Variants in FMN1 observed in about 807,000 individuals in gnomAD.
The protein encoded by FMN1 is formin 1.
A neutral mutation model predicts 132.4 loss-of-function variants in FMN1; 110 were observed. That is an observed-to-expected ratio of 0.83 (90% CI 0.71 to 0.97). The LOEUF (loss-of-function observed/expected upper bound fraction) is 0.97, where lower values mean the gene tolerates loss of function less well. Ranked by LOEUF, FMN1 falls within the 50% of genes least tolerant of loss-of-function variation. The probability of loss-of-function intolerance (pLI) is 0.00; values close to 1 mark genes in which losing one functional copy is unlikely to be tolerated. For missense variants in FMN1, 1,792 were observed against 1,705.3 expected (o/e 1.05, Z -0.90); for synonymous variants, 722 against 651.7 (o/e 1.11, Z -1.64).
At chr15:32,989,158 C>A (rs1417035870) in intron 7 of FMN1, among the ~76,000 whole-genome samples, 1 of 151,964 alleles carries the variant, frequency 6.6e-6, no homozygotes, top group Non-Finnish European at 1.5e-5. Context: ...AAAGGAAGAC[C>A]AACCAGTGAT....
chr15:32,864,186 A>G (rs1162494374), intron 16 of FMN1, among the ~76,000 whole-genome samples: 1 of 152,214 alleles, frequency 6.6e-6, no homozygotes, highest in African/African-American at 2.4e-5. Flanking sequence ...AAAACAAATG[A>G]CAGAAGCCTG....
chr15:33,151,295 T>C (rs1337303235), intron 4 of FMN1: 1 of 1,536,226 alleles, frequency 6.5e-7, no homozygotes, highest in Non-Finnish European at 8.7e-7. Flanking sequence ...TCCAGCTTCT[T>C]CTTTTATAAG....
chr15:32,961,193 C>T (rs1012072271), intron 9 of FMN1, among the ~76,000 whole-genome samples: 3 of 149,890 alleles, frequency 2.0e-5, no homozygotes, highest in East Asian at 4.0e-4. Context: ...GGGTGCAATG[C>T]GGCAATCTCA....
In FMN1 at chr15:33,153,628, C is replaced by A. The variant is rs751821963; in HGVS notation, c.1287G>T (p.Lys429Asn). 18 of 1,536,138 alleles carry A rather than the reference C, an allele frequency of 1.2e-5. No individual in the cohort carries two copies. The highest frequency in any genetic ancestry group is 1.0e-5 in the Non-Finnish European group (12 of 1,146,930). The change falls in exon 4 of 21, where the codon AAG becomes AAT. Residue 429 changes from lysine (K) to asparagine (N), a missense_variant. By Grantham distance (94) the Lys-to-Asn change is moderately conservative (BLOSUM62 0). Coordinates refer to ENST00000616417, the MANE Select transcript of FMN1 (RefSeq NM_001277313.2). Reference protein sequence around the residue: ...KVPLKVIESEKLDEAPEGKRL... With the variant: ...KVPLKVIESENLDEAPEGKRL... ...TTTTCCCCTCAGGGGCTTCATCTAACTTCTCACTCTCTATCACCTTCAGGG... is the reference window on the plus strand; with the variant it reads ...TTTTCCCCTCAGGGGCTTCATCTAAATTCTCACTCTCTATCACCTTCAGGG...
chr15:33,129,692 G>A (rs1343277081), intron 4 of FMN1, among the ~76,000 whole-genome samples: 2 of 152,136 alleles, frequency 1.3e-5, no homozygotes, highest in African/African-American at 4.8e-5. Context: ...GCCAAGATAT[G>A]GACCCAGGGC....
chr15:33,068,165 C>G (rs1245828848), intron 5 of FMN1: 1 of 446,732 alleles, frequency 2.2e-6, no homozygotes, highest in Admixed American at 4.5e-5. Flanking sequence ...ACCAGGGAGG[C>G]TGCTCTTCTG....
chr15:32,811,036 C>T lies in FMN1; in HGVS notation c.3929-6704G>A, dbSNP rs186931049. 11 of 456,554 alleles carry T rather than the reference C, an allele frequency of 2.4e-5. No homozygotes were observed. In the East Asian group the frequency reaches 2.8e-4, roughly 12 times the overall value. 28.3% of individuals were successfully genotyped at this position (456,554 alleles called of 1,614,324 possible). On this transcript the variant is annotated intron_variant, in intron 17 of 20. Coordinates refer to ENST00000616417, the MANE Select transcript of FMN1 (RefSeq NM_001277313.2). ...CGTTTTCCATTTCTTAGAAAATCCCCGTTGTGCACTTTCCAGGAGAAACAA... is the reference window on the plus strand; with the variant it reads ...CGTTTTCCATTTCTTAGAAAATCCCTGTTGTGCACTTTCCAGGAGAAACAA...
chr15:32,820,954 C>G (rs1167448526), intron 17 of FMN1, among the ~76,000 whole-genome samples: 1 of 151,962 alleles, frequency 6.6e-6, no homozygotes, highest in African/African-American at 2.4e-5. Context: ...AAGGTCTCGT[C>G]TACTCCCAAG....
At chr15:33,075,145 T>G (rs2038157975) in intron 5 of FMN1, among the ~76,000 whole-genome samples, 1 of 149,090 alleles carries the variant, frequency 6.7e-6, no homozygotes, top group African/African-American at 2.5e-5. Flanking sequence ...TGCAGCTCCC[T>G]CACCTGGAAA....
intron 13 of FMN1, among the ~76,000 whole-genome samples, chr15:32,901,161 A>G (rs1207873285): frequency 1.5e-5 from 2 of 130,054 alleles, no homozygotes; most frequent in Non-Finnish European, 3.2e-5. Context: ...TCTCAAAAAA[A>G]AAGAAAGAAA....
intron 6 of FMN1, among the ~76,000 whole-genome samples, chr15:33,011,795 C>T (rs1171594039): frequency 6.6e-6 from 1 of 152,040 alleles, no homozygotes; most frequent in Non-Finnish European, 1.5e-5. Context: ...AAAGCATCAA[C>T]AGGCGCTCTA....
intron 4 of FMN1, among the ~76,000 whole-genome samples, chr15:33,129,396 T>A (rs1963437330): frequency 1.3e-5 from 2 of 152,232 alleles, no homozygotes; most frequent in Non-Finnish European, 2.9e-5. Context: ...ATAACCGTGG[T>A]AAGATTACCA....
At chr15:32,973,749 C>T (rs1011516793) in intron 7 of FMN1, among the ~76,000 whole-genome samples, 1 of 152,160 alleles carries the variant, frequency 6.6e-6, no homozygotes, top group Non-Finnish European at 1.5e-5. Context: ...CCAATTATTT[C>T]AAATTGTGTC....
chr15:32,821,553 A>G (rs1259339524), intron 17 of FMN1, among the ~76,000 whole-genome samples: 1 of 150,128 alleles, frequency 6.7e-6, no homozygotes, highest in East Asian at 2.0e-4. Context: ...CCCGGGTTCA[A>G]GCAATTCTCT....
chr15:33,171,302 A>T (rs2140320844), intron 3 of FMN1, among the ~76,000 whole-genome samples: 1 of 152,344 alleles, frequency 6.6e-6, no homozygotes, highest in South Asian at 2.1e-4. Context: ...GGGCGACAGT[A>T]GAGTAACTAT....
At chr15:32,884,823 T>G (rs146518361) in intron 16 of FMN1, among the ~76,000 whole-genome samples, 20 of 152,326 alleles carry the variant, frequency 1.3e-4, no homozygotes, top group African/African-American at 4.8e-4. Flanking sequence ...CTTGGTTCTC[T>G]CTTTACAATG....
At chr15:32,999,365 T>A (rs187753940) in intron 7 of FMN1, among the ~76,000 whole-genome samples, 17 of 152,364 alleles carry the variant, frequency 1.1e-4, no homozygotes, top group African/African-American at 4.1e-4. Context: ...CAATTCTGTT[T>A]CAACAGCAAT....
At chr15:33,034,477 T>TGA (rs1274938538) in intron 6 of FMN1, among the ~76,000 whole-genome samples, 2 of 152,226 alleles carry the variant, frequency 1.3e-5, no homozygotes, top group East Asian at 3.9e-4. Flanking sequence ...CTAAGGAAGC[T>TGA]GAGGCAGAAG....
rs1431363268 is a variant in FMN1 at position 32,785,200 on chromosome 15, G to GTGTA, written c.4131-8282_4131-8281insTACA. Reference sequence around the variant, plus strand: ...TGTGTGTGTGTGTGTGTGTGTGTGTGTATATATATATATATATATTTTTTT... The same window carrying GTGTA: ...TGTGTGTGTGTGTGTGTGTGTGTGTGTGTATATATATATATATATATATTTTTTT... On this transcript the variant is annotated intron_variant, in intron 19 of 20. Coordinates refer to ENST00000616417, the MANE Select transcript of FMN1 (RefSeq NM_001277313.2). Among the ~76,000 whole-genome samples, 64 of 27,258 alleles carry GTGTA rather than the reference G, an allele frequency of 2.3e-3. 1 individual carries two copies. Among genetic ancestry groups the GTGTA allele is most frequent in the African/African-American group, 7.7e-3 (61 of 7,950 alleles). The allele number at this position is 27,258 out of a possible 152,430, so 17.9% of individuals were successfully genotyped here.
Sources: allele counts gnomAD v4.1 joint callset (sites outside exome capture counted in the v4.1 genomes callset), GRCh38; gene constraint gnomAD v4.1.1; transcripts MANE v1.5; gene names NCBI Gene and HGNC (gene_info 2026-07-23, HGNC 2026-07-21).